Variants in TACC2 observed in about 807,000 individuals in gnomAD.
TACC2 encodes transforming acidic coiled-coil containing protein 2, also known as transforming acidic coiled-coil-containing protein 2.
In TACC2, 137 loss-of-function variants were observed where a neutral mutation model predicts 227.3. That is an observed-to-expected ratio of 0.60 (90% confidence interval 0.52 to 0.69). TACC2 has a LOEUF of 0.69. Ranked by LOEUF, TACC2 falls within the 30% of genes least tolerant of loss-of-function variation. The pLI is 0.00. For missense variants in TACC2, 3,470 were observed against 3,694.4 expected (o/e 0.94, Z 1.57); for synonymous variants, 1,523 against 1,487.5 (o/e 1.02, Z -0.55).
intron 2 of TACC2, among the ~76,000 whole-genome samples, chr10:122,029,787 A>G (rs1236767873): frequency 6.6e-6 from 1 of 152,048 alleles, no homozygotes; most frequent in Non-Finnish European, 1.5e-5. Context: ...TTTGGCCTTT[A>G]GTCCTGCTCA....
In TACC2 at chr10:122,086,442, C is replaced by G; in HGVS notation, c.3942C>G (p.Pro1314=). The G allele has an allele frequency of 6.2e-7, 1 of 1,613,864 alleles. No homozygotes were observed. Among genetic ancestry groups the G allele is most frequent in the South Asian group, 1.1e-5 (1 of 91,078 alleles). Residue 1314 remains proline (P), a synonymous_variant, in exon 4 of 23, where the codon CCC becomes CCG. Coordinates refer to ENST00000369005, the MANE Select transcript of TACC2 (RefSeq NM_206862.4). The part of the protein sequence containing the change: ...IPAVQASSGS[P]KARTTEGPVD... ...CAGTGCAAGCCAGCAGTGGTAGTCC[C>G]AAAGCCAGAACCACTGAGGGACCAG... is the stretch of plus-strand genomic sequence containing the variant.
chr10:122,035,768 C>T (rs1206532317), intron 2 of TACC2, among the ~76,000 whole-genome samples: 1 of 152,090 alleles, frequency 6.6e-6, no homozygotes, highest in Admixed American at 6.5e-5. Context: ...TCCCTCTCCC[C>T]AACCCTTGAT....
rs1421316772 is a variant in TACC2, at chr10:122,086,020, A to T, written c.3520A>T (p.Thr1174Ser). The change falls in exon 4 of 23, where the codon ACC (threonine) becomes TCC (serine). Residue 1174 changes from threonine to serine, a missense_variant. Physicochemically the swap from Thr to Ser is moderately conservative, Grantham distance 58. Around this residue, in one of 10 missense-constraint regions of TACC2, gnomAD observed 1,924 missense variants for 1,978.3 expected, o/e 0.97. Coordinates refer to ENST00000369005, the MANE Select transcript of TACC2 (RefSeq NM_206862.4). ...HCLTSGEEAS[T>S]SALRESCQAE... ...CCTTACCTCCGGGGAGGAAGCTTCT[A>T]CCTCTGCCCTACGTGAGTCCTGCCA... 6.8e-6 allele frequency: 11 copies of T among 1,613,736 alleles called. No homozygotes were observed. Among genetic ancestry groups the T allele is most frequent in the Admixed American group, 1.7e-5 (1 of 60,002 alleles).
At chr10:122,253,896 G>A (rs1242347063) in intron 22 of TACC2, 95 bp from the exon 23 acceptor site, 20 of 971,014 alleles carry the variant, frequency 2.1e-5, no homozygotes, top group Non-Finnish European at 3.0e-5. Flanking sequence ...GGACCAAGGG[G>A]CCTGGTGGTC....
intron 5 of TACC2, among the ~76,000 whole-genome samples, chr10:122,107,880 ATTT>A (rs1412735022): frequency 9.8e-6 from 1 of 102,278 alleles, no homozygotes; most frequent in African/African-American, 3.9e-5. Flanking sequence ...ATATATATAT[ATTT>A]TTTTTTTCTT....
At chr10:122,143,324 C>A (rs1876311) in intron 6 of TACC2, among the ~76,000 whole-genome samples, 96,688 of 151,532 alleles carry the variant, frequency 0.64, 33,396 homozygotes, top group Non-Finnish European at 0.78. Context: ...GTTAAAGAAA[C>A]CCGGTTCTAC....
chr10:122,005,748 C>T (rs1336535179), intron 1 of TACC2, among the ~76,000 whole-genome samples: 7 of 142,946 alleles, frequency 4.9e-5, no homozygotes, highest in Non-Finnish European at 1.5e-5. Flanking sequence ...GGCTGGAGTG[C>T]AATAGCACGA....
intron 7 of TACC2, among the ~76,000 whole-genome samples, chr10:122,163,166 A>C (rs2092924377): frequency 6.6e-6 from 1 of 152,132 alleles, no homozygotes; most frequent in South Asian, 2.1e-4. Context: ...AGGAGGCAGA[A>C]GCCGGCGGTG....
chr10:122,195,843 T>C lies in TACC2; in HGVS notation c.5971+667T>C, dbSNP rs541490954. Among the ~76,000 whole-genome samples the C allele has an allele frequency of 4.6e-5, 7 of 152,256 alleles. No individual in the cohort carries two copies. In the East Asian group the frequency reaches 1.4e-3, roughly 29 times the overall value. On this transcript the variant is annotated intron_variant, in intron 8 of 22. Transcript: ENST00000369005. ...AAGATTCACAGGAGACTGGAAGAGATAGGGCCTGCCAGAAATGGTCCCACA... is the reference window on the plus strand; with the variant it reads ...AAGATTCACAGGAGACTGGAAGAGACAGGGCCTGCCAGAAATGGTCCCACA...
At chr10:122,228,630 C>T (rs1383378455) in intron 14 of TACC2, among the ~76,000 whole-genome samples, 4 of 152,270 alleles carry the variant, frequency 2.6e-5, no homozygotes, top group Admixed American at 6.5e-5. Context: ...CTCTACCTCC[C>T]GCCCAGCAAT....
chr10:122,149,870 C>T (rs2091848287), intron 7 of TACC2, among the ~76,000 whole-genome samples: 1 of 152,194 alleles, frequency 6.6e-6, no homozygotes, highest in Non-Finnish European at 1.5e-5. Flanking sequence ...GTTCTCTTGC[C>T]TCTGAGGCCC....
At chr10:122,240,674 CTA>C (rs1365988797) in intron 18 of TACC2, among the ~76,000 whole-genome samples, 1 of 152,074 alleles carries the variant, frequency 6.6e-6, no homozygotes, top group Non-Finnish European at 1.5e-5. Flanking sequence ...GTGGGGGTCT[CTA>C]TGGTTTTCTG....
Position 122,083,363 on chromosome 10 carries a change from G to C in TACC2, c.863G>C (p.Arg288Thr). 1 of 1,613,978 alleles carries C rather than the reference G, an allele frequency of 6.2e-7. No individual in the cohort carries two copies. Among genetic ancestry groups the C allele is most frequent in the African/African-American group, 1.3e-5 (1 of 75,038 alleles). Residue 288 changes from arginine to threonine, a missense_variant, in exon 4 of 23, where the codon AGA becomes ACA. By Grantham distance (71) the Arg-to-Thr change is moderately conservative. Coordinates refer to ENST00000369005, the MANE Select transcript of TACC2 (RefSeq NM_206862.4). The part of the protein sequence containing the change: ...PQDPAPRASD[R>T]ERGQGEAPPQ... The stretch of plus-strand genomic sequence containing the variant: ...GATCCAGCCCCAAGAGCCTCAGACA[G>C]AGAAAGAGGCCAAGGGGAGGCGCCG...
chr10:122,180,565 C>T lies in TACC2; in HGVS notation c.5835-14475C>T, dbSNP rs2093939396. On this transcript the variant is annotated intron_variant, in intron 7 of 22. Coordinates refer to ENST00000369005, the MANE Select transcript of TACC2 (RefSeq NM_206862.4). The surrounding 1 kb of genome is among the most constrained non-coding windows in gnomAD (Gnocchi z 4.5). ...ATGTTAGCCAGGATGGTCTCGATCT[C>T]CTGACCTTGTGATCCACCTGCCTCG... Among the ~76,000 whole-genome samples the T allele has an allele frequency of 6.6e-6, 1 of 152,224 alleles. No individual in the cohort carries two copies. The highest frequency in any genetic ancestry group is 2.1e-4 in the South Asian group (1 of 4,818).
intron 8 of TACC2, among the ~76,000 whole-genome samples, chr10:122,206,216 T>G: frequency 6.6e-6 from 1 of 152,166 alleles, no homozygotes; most frequent in East Asian, 1.9e-4. Context: ...ATCAGCTGGG[T>G]GATGTCTGCT....
intron 2 of TACC2, among the ~76,000 whole-genome samples, chr10:122,027,066 G>A (rs1334221356): frequency 6.6e-6 from 1 of 152,152 alleles, no homozygotes; most frequent in Admixed American, 6.5e-5. Flanking sequence ...GTACCATTTT[G>A]CGTCCCTACC....
Position 122,085,573 on chromosome 10 carries a change from T to C in TACC2, c.3073T>C (p.Ser1025Pro). 2 of 1,613,246 alleles carry C rather than the reference T, an allele frequency of 1.2e-6. No individual in the cohort carries two copies. The highest frequency in any genetic ancestry group is 1.7e-6 in the Non-Finnish European group (2 of 1,180,028). The change falls in exon 4 of 23, where the codon TCC becomes CCC. Residue 1025 changes from serine (S) to proline (P), a missense_variant. Transcript: ENST00000369005. ...PGASEAADGC[S>P]PLWGLSKREM... ...AGCTTCTGAAGCAGCTGATGGTTGT[T>C]CCCCACTCTGGGGCTTGAGTAAGAG...
chr10:122,184,297 A>G (rs563831283), intron 7 of TACC2, among the ~76,000 whole-genome samples: 2 of 152,222 alleles, frequency 1.3e-5, no homozygotes, highest in African/African-American at 2.4e-5. Context: ...ACCCCTGATA[A>G]TACAGCCTGG....
intron 14 of TACC2, 81 bp from the exon 15 acceptor site, chr10:122,229,265 G>A: frequency 1.3e-6 from 2 of 1,541,496 alleles, no homozygotes; most frequent in Non-Finnish European, 8.9e-7. Flanking sequence ...GCAAATGGCT[G>A]CATGGCCCTT....
Sources: allele counts gnomAD v4.1 joint callset (sites outside exome capture counted in the v4.1 genomes callset), GRCh38; gene constraint gnomAD v4.1.1; regional missense constraint gnomAD v4.1.1; non-coding constraint Gnocchi (gnomAD v3.1); transcripts MANE v1.5; gene names NCBI Gene and HGNC (gene_info 2026-07-23, HGNC 2026-07-21).